The following RAPH1 variants were observed in gnomAD, a reference collection of about 807,000 sequenced individuals.
RAPH1 encodes the protein Ras association (RalGDS/AF-6) and pleckstrin homology domains 1.
In RAPH1, 18 loss-of-function variants were observed where a neutral mutation model predicts 88.1. The ratio of observed to expected loss-of-function variants is 0.20; its 90% CI spans 0.14 to 0.30. RAPH1 has a LOEUF of 0.30. Among genes scored for constraint, RAPH1 ranks in the 10% least tolerant of loss-of-function variants. The pLI is 1.00. For missense variants in RAPH1, 1,448 were observed against 1,543.2 expected, an observed-to-expected ratio of 0.94 and a Z score of 1.03; for synonymous variants, 587 against 559.0, an observed-to-expected ratio of 1.05 and a Z score of -0.71.
At chr2:203,452,505 G>T (rs188730903) in intron 10 of RAPH1, among the ~76,000 whole-genome samples, 1 of 152,164 alleles carries the variant, frequency 6.6e-6, no homozygotes, top group East Asian at 1.9e-4. Context: ...ATTATTCTTT[G>T]TCCAATCCAG....
At chr2:203,524,422 A>G (rs1174893198) in intron 1 of RAPH1, among the ~76,000 whole-genome samples, 1 of 152,222 alleles carries the variant, frequency 6.6e-6, no homozygotes, top group Non-Finnish European at 1.5e-5. Context: ...CCTCATAGGT[A>G]TTCATCCTCA....
rs2098497145 is a variant in RAPH1, at chr2:203,434,855, T to A, written c.*4582A>T. On this transcript the variant is annotated 3_prime_UTR_variant, in exon 14 of 14. Coordinates refer to ENST00000319170, the MANE Select transcript of RAPH1 (RefSeq NM_213589.3). ...AATTCACTTCTCTAAATGTCTTTGG[T>A]AGAAAGCAGCCAGACCCCACGTGGG... 6.6e-6 allele frequency: 1 copy of A among 152,612 alleles called. No individual in the cohort carries two copies. 9.5% of individuals were successfully genotyped at this position (152,612 alleles called of 1,614,324 possible). A position where few individuals can be genotyped will look rare whatever the true frequency, so the allele number is the denominator to read the frequency against.
intron 1 of RAPH1, among the ~76,000 whole-genome samples, chr2:203,515,870 T>C (rs770266309): frequency 4.6e-5 from 7 of 152,056 alleles, no homozygotes; most frequent in Non-Finnish European, 1.0e-4. Flanking sequence ...GCAAGAAATA[T>C]TAAAAGAAGT....
Position 203,436,401 on chromosome 2 carries a change from G to C in RAPH1, c.*3036C>G, listed in dbSNP as rs904008166. On this transcript the variant is annotated 3_prime_UTR_variant, in exon 14 of 14. Coordinates refer to ENST00000319170, the MANE Select transcript of RAPH1 (RefSeq NM_213589.3). The stretch of plus-strand genomic sequence containing the variant: ...CCCAAGAGAATTACAGCGTCTAAGG[G>C]GGGGAAAGAAAGCATCTGAGCAGTA... 1.6e-4 allele frequency: 24 copies of C among 152,238 alleles called. No homozygotes were observed. Among genetic ancestry groups the C allele is most frequent in the African/African-American group, 5.1e-4 (21 of 41,532 alleles). The allele number at this position is 152,238 out of a possible 1,614,324, so 9.4% of individuals were successfully genotyped here.
Position 203,489,899 on chromosome 2 carries a change from T to C in RAPH1, c.417A>G (p.Ser139=), listed in dbSNP as rs968372137. ...GGGAAGGTTTAGCTATCCTATTAGA[T>C]GAAGAAGATAATCCTTTCAAGGTGC... ...KHGTLKGLSS[S]SNRIAKPSHA... is the part of the protein sequence containing the mutation. Residue 139 remains serine, a synonymous_variant, in exon 4 of 14, where the codon TCA becomes TCG. Coordinates refer to ENST00000319170, the MANE Select transcript of RAPH1 (RefSeq NM_213589.3). 6.2e-7 allele frequency: 1 copy of C among 1,614,106 alleles called. No homozygotes were observed. Among genetic ancestry groups the C allele is most frequent in the Non-Finnish European group, 8.5e-7 (1 of 1,180,040 alleles).
intron 1 of RAPH1, among the ~76,000 whole-genome samples, chr2:203,529,274 T>A (rs141893471): frequency 4.8e-4 from 72 of 150,844 alleles, no homozygotes; most frequent in African/African-American, 1.7e-3. Context: ...GCACCTGGCC[T>A]GCTCTACTGA....
intron 4 of RAPH1, among the ~76,000 whole-genome samples, chr2:203,487,833 C>T (rs533185782): frequency 6.6e-6 from 1 of 152,188 alleles, no homozygotes; most frequent in South Asian, 2.1e-4. Context: ...ATTCATACTC[C>T]TTTTGTGCTC....
chr2:203,469,995 G>A (rs1258011211), intron 4 of RAPH1, among the ~76,000 whole-genome samples: 1 of 152,122 alleles, frequency 6.6e-6, no homozygotes, highest in Non-Finnish European at 1.5e-5. Context: ...ACATACTTGG[G>A]AAGACTATTA....
At chr2:203,534,520 C>A (rs998379236) in intron 1 of RAPH1, among the ~76,000 whole-genome samples, 4 of 114,158 alleles carry the variant, frequency 3.5e-5, no homozygotes, top group Admixed American at 8.4e-5. Flanking sequence ...CCCCCCCCCC[C>A]CCCCATGAAT....
intron 5 of RAPH1, 58 bp from the exon 6 acceptor site, chr2:203,461,466 C>T: frequency 7.8e-7 from 1 of 1,290,130 alleles, no homozygotes; most frequent in Non-Finnish European, 1.0e-6. Context: ...CTAGGAAAGG[C>T]ACTGATCCAA....
In RAPH1 at chr2:203,496,134, G is replaced by T. The variant is rs192911293; in HGVS notation, c.1-781C>A. Among the ~76,000 whole-genome samples the T allele has an allele frequency of 4.6e-5, 7 of 152,244 alleles. No individual in the cohort carries two copies. The East Asian group carries it at 1.2e-3, about 25-fold the overall frequency. On this transcript the variant is annotated intron_variant, in intron 1 of 13. Coordinates refer to ENST00000319170, the MANE Select transcript of RAPH1 (RefSeq NM_213589.3). Reference sequence around the variant, plus strand: ...GCACTTTGGGAGGCCGAGGCGGGTGGATCAACCTGTGGTCAGGGGTTTGAA... The same window carrying T: ...GCACTTTGGGAGGCCGAGGCGGGTGTATCAACCTGTGGTCAGGGGTTTGAA...
Position 203,448,178 on chromosome 2 carries a change from G to A in RAPH1, c.1513-99C>T. ...GACATATTTCTGTTTACTGATTGAT[G>A]GTCTGTATTAAAATTAATACCTATG... On this transcript the variant is annotated intron_variant, in intron 11 of 13. Coordinates refer to ENST00000319170, the MANE Select transcript of RAPH1 (RefSeq NM_213589.3). This position sits in a 1 kb window ranked among gnomAD's most constrained non-coding sequence, Gnocchi z 4.1. The A allele has an allele frequency of 1.7e-6, 2 of 1,155,930 alleles. No individual in the cohort carries two copies. The highest frequency in any genetic ancestry group is 1.6e-5 in the South Asian group (1 of 63,472). 71.6% of individuals were successfully genotyped at this position (1,155,930 alleles called of 1,614,324 possible).
Position 203,489,853 on chromosome 2 carries a change from C to T in RAPH1, c.463G>A (p.Asp155Asn), listed in dbSNP as rs145036827. 2.3e-5 allele frequency: 37 copies of T among 1,614,090 alleles called. No individual in the cohort carries two copies. The African/African-American group carries it at 4.4e-4, about 19-fold the overall frequency. ...KPSHASYSLD[D>N]VTAQLEQASL... Reference sequence around the variant, plus strand: ...GCCTGTTCTAACTGTGCAGTGACGTCGTCCAAGGAGTAGCTGGCATGGGAA... The same window carrying T: ...GCCTGTTCTAACTGTGCAGTGACGTTGTCCAAGGAGTAGCTGGCATGGGAA... Residue 155 changes from aspartate to asparagine, a missense_variant, in exon 4 of 14, where the codon GAC becomes AAC. Physicochemically the swap from Asp to Asn is conservative, Grantham distance 23. Around this residue, in one of 2 missense-constraint regions of RAPH1, gnomAD observed 513 missense variants for 653.1 expected, o/e 0.79. Transcript: ENST00000319170.
chr2:203,516,310 A>G (rs1366543609), intron 1 of RAPH1, among the ~76,000 whole-genome samples: 1 of 152,270 alleles, frequency 6.6e-6, no homozygotes, highest in Non-Finnish European at 1.5e-5. Flanking sequence ...AAAATGCTCA[A>G]TTAAAAGGCA....
At chr2:203,516,094 T>C (rs2105943766) in intron 1 of RAPH1, among the ~76,000 whole-genome samples, 1 of 152,312 alleles carries the variant, frequency 6.6e-6, no homozygotes, top group Non-Finnish European at 1.5e-5. Flanking sequence ...TATAAGTGAA[T>C]TACAGCAATG....
At chr2:203,467,941 T>A (rs1240878719) in intron 4 of RAPH1, among the ~76,000 whole-genome samples, 2 of 151,798 alleles carry the variant, frequency 1.3e-5, no homozygotes, top group African/African-American at 2.4e-5. Context: ...CTAATTTTTG[T>A]ATTTTTTTTG....
At chr2:203,530,657 C>T (rs1251414518) in intron 1 of RAPH1, among the ~76,000 whole-genome samples, 2 of 152,032 alleles carry the variant, frequency 1.3e-5, no homozygotes, top group African/African-American at 2.4e-5. Context: ...TTTGGGAAGC[C>T]GAGGTAGGTA....
At chr2:203,502,587 C>T (rs1297636608) in intron 1 of RAPH1, among the ~76,000 whole-genome samples, 3 of 151,970 alleles carry the variant, frequency 2.0e-5, no homozygotes, top group African/African-American at 4.8e-5. Context: ...TTTGGGAGGC[C>T]GAGGCGGGCG....
chr2:203,453,187 T>C (rs182280487), intron 10 of RAPH1, among the ~76,000 whole-genome samples: 1 of 152,252 alleles, frequency 6.6e-6, no homozygotes, highest in East Asian at 1.9e-4. Context: ...TAAAAAACTA[T>C]TTGCACCTAA....
Sources: gnomAD v4.1 joint callset for allele counts (sites outside exome capture counted in the v4.1 genomes callset) on GRCh38, gnomAD v4.1.1 for gene constraint, gnomAD v4.1.1 regional missense constraint, Gnocchi (gnomAD v3.1) non-coding constraint, MANE v1.5 for transcripts, NCBI Gene and HGNC (gene_info 2026-07-23, HGNC 2026-07-21) for gene names.